TEK: variants seen among roughly 807,000 people sequenced by gnomAD.
The protein encoded by TEK is TEK receptor tyrosine kinase.
A neutral mutation model predicts 131.8 loss-of-function variants in TEK; 43 were observed. That is an observed-to-expected ratio of 0.33 (90% CI 0.26 to 0.42). The LOEUF (loss-of-function observed/expected upper bound fraction) is 0.42. Among genes scored for constraint, TEK ranks in the 10% least tolerant of loss-of-function variants. The pLI is 1.00. For missense variants in TEK, 1,162 were observed against 1,384.4 expected (o/e 0.84, Z 2.55); for synonymous variants, 580 against 491.6 (o/e 1.18, Z -2.38).
intron 18 of TEK, among the ~76,000 whole-genome samples, chr9:27,214,903 G>A (rs964610817): frequency 6.6e-6 from 1 of 152,150 alleles, no homozygotes; most frequent in African/African-American, 2.4e-5. Context: ...CAAAGCAGAT[G>A]CTTCTCTGGA....
intron 1 of TEK, among the ~76,000 whole-genome samples, chr9:27,149,709 G>A (rs1191202634): frequency 6.6e-6 from 1 of 152,142 alleles, no homozygotes; most frequent in Non-Finnish European, 1.5e-5. Context: ...AGGGCACTGA[G>A]GAGACACTGA....
intron 1 of TEK, among the ~76,000 whole-genome samples, chr9:27,141,056 C>T (rs369560270): frequency 6.6e-6 from 1 of 151,944 alleles, no homozygotes; most frequent in South Asian, 2.1e-4. Context: ...GTGAATGTTC[C>T]ACAAGCATCA....
intron 1 of TEK, among the ~76,000 whole-genome samples, chr9:27,147,619 G>A (rs2131098501): frequency 6.6e-6 from 1 of 152,120 alleles, no homozygotes; most frequent in East Asian, 1.9e-4. Context: ...TTTATTCATG[G>A]TGTCTATGAC....
chr9:27,194,143 T>C (rs2080797428), intron 11 of TEK, among the ~76,000 whole-genome samples: 1 of 152,266 alleles, frequency 6.6e-6, no homozygotes, highest in Admixed American at 6.5e-5. Flanking sequence ...AATTATTATT[T>C]CTACCTAGAA....
chr9:27,123,502 C>G lies in TEK; in HGVS notation c.52+13860C>G, dbSNP rs116174278. Among the ~76,000 whole-genome samples, 401 of 152,276 alleles carry G rather than the reference C, an allele frequency of 2.6e-3. 2 individuals carry two copies. Among genetic ancestry groups the G allele is most frequent in the African/African-American group, 9.2e-3 (381 of 41,546 alleles). ...GAGGGTAGGTATTTTCATGGAGAGGCCACGCACAGTTACCTGGAGTAACAG... is the reference window on the plus strand; with the variant it reads ...GAGGGTAGGTATTTTCATGGAGAGGGCACGCACAGTTACCTGGAGTAACAG... On this transcript the variant is annotated intron_variant, in intron 1 of 22. Transcript: ENST00000380036.
At chr9:27,224,010 G>GAAGAA (rs1390544125) in intron 21 of TEK, among the ~76,000 whole-genome samples, 2 of 152,190 alleles carry the variant, frequency 1.3e-5, no homozygotes, top group Admixed American at 6.5e-5. Context: ...AGAACATCTA[G>GAAGAA]AAGAAATGGA....
At position 27,172,732 on chromosome 9, in the gene TEK, A is replaced by G. The variant is rs769331590; in HGVS notation, c.745A>G (p.Arg249Gly). The G allele has an allele frequency of 2.5e-6, 4 of 1,613,624 alleles. No individual in the cohort carries two copies. The highest frequency in any genetic ancestry group is 3.4e-6 in the Non-Finnish European group (4 of 1,179,630). ...ECICPPGFMG[R>G]TCEKACELHT... ...CATTTGCCCTCCTGGGTTTATGGGA[A>G]GGACGTGTGAGAAGGGTAAGTAAAG... The change falls in exon 5 of 23, where the codon AGG becomes GGG. Residue 249 changes from arginine (R) to glycine (G), a missense_variant. Coordinates refer to ENST00000380036, the MANE Select transcript of TEK (RefSeq NM_000459.5).
intron 2 of TEK, among the ~76,000 whole-genome samples, chr9:27,166,515 A>G (rs1823737910): frequency 6.6e-6 from 1 of 152,250 alleles, no homozygotes; most frequent in African/African-American, 2.4e-5. Context: ...CTTCCTGAAC[A>G]TGACACGTGA....
At chr9:27,121,617 A>G (rs1821794151) in intron 1 of TEK, among the ~76,000 whole-genome samples, 1 of 151,840 alleles carries the variant, frequency 6.6e-6, no homozygotes, top group Admixed American at 6.6e-5. Flanking sequence ...ATATATGTAT[A>G]TATGTGTGCA....
At chr9:27,113,075 A>G (rs1821407254) in intron 1 of TEK, among the ~76,000 whole-genome samples, 1 of 152,238 alleles carries the variant, frequency 6.6e-6, no homozygotes, top group Non-Finnish European at 1.5e-5. Context: ...GAAGCACTGA[A>G]GACCTGAGAA....
At chr9:27,116,543 A>G (rs1044087176) in intron 1 of TEK, among the ~76,000 whole-genome samples, 2 of 152,178 alleles carry the variant, frequency 1.3e-5, no homozygotes, top group African/African-American at 4.8e-5. Flanking sequence ...TTGGCCTCCC[A>G]AAGTGCTGGG....
chr9:27,220,163 C>T lies in TEK; in HGVS notation c.3200+18C>T. 1 of 1,611,956 alleles carries T rather than the reference C, an allele frequency of 6.2e-7. No individual in the cohort carries two copies. The highest frequency in any genetic ancestry group is 8.5e-7 in the Non-Finnish European group (1 of 1,178,776). ...GATGAGGTGTAAGTCAGGCCTCATC[C>T]TGGGGCTATTTTGTCTTACCTTCCC... On this transcript the variant is annotated intron_variant, in intron 21 of 22. Coordinates refer to ENST00000380036, the MANE Select transcript of TEK (RefSeq NM_000459.5).
At chr9:27,188,471 A>G (rs1824681007) in intron 9 of TEK, among the ~76,000 whole-genome samples, 3 of 152,222 alleles carry the variant, frequency 2.0e-5, no homozygotes, top group Admixed American at 2.0e-4. Context: ...TAATGGCTGT[A>G]ATAAAATGTG....
intron 2 of TEK, among the ~76,000 whole-genome samples, chr9:27,160,010 GT>G (rs563961610): frequency 2.2e-3 from 185 of 84,330 alleles, no homozygotes; most frequent in East Asian, 5.0e-3. Context: ...GCTGTTTAGG[GT>G]TTTTTTTTTT....
chr9:27,229,157 G>C lies in TEK; in HGVS notation c.3301-1G>C. The C allele has an allele frequency of 6.2e-7, 1 of 1,613,704 alleles. No homozygotes were observed. Among genetic ancestry groups the C allele is most frequent in the Non-Finnish European group, 8.5e-7 (1 of 1,179,646 alleles). On this transcript the variant is annotated splice_acceptor_variant, in intron 22 of 22. Transcript: ENST00000380036. LOFTEE classifies it high-confidence loss of function. ...TCTCTGAACCATTTTCATTCTTCCA[G>C]ACCTACGTGAATACCACGCTTTATG...
chr9:27,142,924 A>T (rs1389627656), intron 1 of TEK, among the ~76,000 whole-genome samples: 2 of 152,354 alleles, frequency 1.3e-5, no homozygotes, highest in East Asian at 3.9e-4. Context: ...GTTACTTAAT[A>T]AGTTAAAGCT....
At chr9:27,117,623 T>A (rs1821621517) in intron 1 of TEK, among the ~76,000 whole-genome samples, 1 of 152,176 alleles carries the variant, frequency 6.6e-6, no homozygotes, top group Admixed American at 6.5e-5. Flanking sequence ...ATCTGCATAT[T>A]AGAGGAAGTA....
intron 1 of TEK, among the ~76,000 whole-genome samples, chr9:27,134,101 G>T (rs1015193051): frequency 2.0e-5 from 3 of 152,196 alleles, no homozygotes; most frequent in African/African-American, 7.2e-5. Context: ...TGCTTAGATC[G>T]AAGGTTTGAG....
chr9:27,205,146 A>G (rs935413045), intron 14 of TEK, 81 bp downstream of exon 14: 2 of 1,550,412 alleles, frequency 1.3e-6, no homozygotes, highest in Middle Eastern at 3.4e-4. Flanking sequence ...ATGGACCAGG[A>G]AATTTACTTA....
Sources: gnomAD v4.1 joint callset for allele counts (sites outside exome capture counted in the v4.1 genomes callset) on GRCh38, gnomAD v4.1.1 for gene constraint, MANE v1.5 for transcripts, NCBI Gene and HGNC (gene_info 2026-07-23, HGNC 2026-07-21) for gene names.